PHKB: variants seen among roughly 807,000 people sequenced by gnomAD.
The protein encoded by PHKB is phosphorylase b kinase regulatory subunit beta.
Under a neutral mutation model 152.1 loss-of-function variants are expected in PHKB, and 122 were observed. That is an observed-to-expected ratio of 0.80 (90% CI 0.69 to 0.93). The LOEUF is 0.93. Ranked by LOEUF, PHKB falls within the 40% of genes least tolerant of loss-of-function variation. PHKB has a pLI of 0.00. For synonymous variants in PHKB, 436 were observed against 464.9 expected (o/e 0.94, Z 0.80); for missense variants, 1,304 against 1,328.4 (o/e 0.98, Z 0.29).
chr16:47,525,865 TA>T (rs1970757029), intron 6 of PHKB, among the ~76,000 whole-genome samples: 1 of 152,336 alleles, frequency 6.6e-6, no homozygotes, highest in East Asian at 1.9e-4. Context: ...GAACAGTTTA[TA>T]AAAGCATAAT....
intron 13 of PHKB, among the ~76,000 whole-genome samples, chr16:47,598,335 A>T (rs1477877688): frequency 6.6e-6 from 1 of 152,198 alleles, no homozygotes; most frequent in East Asian, 1.9e-4. Flanking sequence ...TGAACATACT[A>T]CTAAAGAAAC....
At position 47,527,424 on chromosome 16, in the gene PHKB, C is replaced by G. The variant is rs1970787275; in HGVS notation, c.594+11823C>G. Among the ~76,000 whole-genome samples the G allele has an allele frequency of 3.3e-5, 5 of 151,742 alleles. No homozygotes were observed. In the South Asian group the frequency reaches 1.0e-3, roughly 32 times the overall value. ...AAAAAGATTAACAATATAAACTGAC[C>G]TCTTAAAAAATTTACCAAGCAGATA... On this transcript the variant is annotated intron_variant, in intron 6 of 30. Coordinates refer to ENST00000323584, the MANE Select transcript of PHKB (RefSeq NM_000293.3).
rs115897535 is a variant in PHKB at position 47,532,179 on chromosome 16, A to T, written c.595-15254A>T. Among the ~76,000 whole-genome samples, 1,144 of 152,368 alleles carry T rather than the reference A, an allele frequency of 7.5e-3. 19 individuals are homozygous for T. The highest frequency in any genetic ancestry group is 0.026 in the African/African-American group (1,084 of 41,592). ...CAGACTTGTGTAACAAGAGTTAGAT[A>T]ACCCTACTTATCAGTGAAGGATACA... On this transcript the variant is annotated intron_variant, in intron 6 of 30. Transcript: ENST00000323584.
At chr16:47,678,443 CT>C (rs1174666096) in intron 26 of PHKB, among the ~76,000 whole-genome samples, 1 of 152,054 alleles carries the variant, frequency 6.6e-6, no homozygotes, top group Non-Finnish European at 1.5e-5. Flanking sequence ...TGTTTCCTGA[CT>C]TTTTAATGAT....
chr16:47,564,180 T>C (rs1032574722), intron 7 of PHKB, among the ~76,000 whole-genome samples: 2 of 152,082 alleles, frequency 1.3e-5, no homozygotes, highest in Non-Finnish European at 2.9e-5. Context: ...TTTTTTCCTT[T>C]GGTAGATACC....
intron 1 of PHKB, among the ~76,000 whole-genome samples, chr16:47,477,658 C>T (rs1969891714): frequency 6.6e-6 from 1 of 152,048 alleles, no homozygotes; most frequent in Non-Finnish European, 1.5e-5. Flanking sequence ...GTGGTGAGGG[C>T]ACTTTTGATT....
intron 7 of PHKB, among the ~76,000 whole-genome samples, chr16:47,564,579 T>C (rs1971533419): frequency 6.6e-6 from 1 of 152,146 alleles, no homozygotes; most frequent in South Asian, 2.1e-4. Context: ...TACCCTGTAG[T>C]GGGATTGCTG....
chr16:47,697,985 G>C (rs1390532502), intron 29 of PHKB, among the ~76,000 whole-genome samples: 1 of 152,080 alleles, frequency 6.6e-6, no homozygotes, highest in East Asian at 1.9e-4. Flanking sequence ...TGGGTCCTGG[G>C]CTCCAGGTCG....
At chr16:47,530,132 C>CTTTT (rs201960518) in intron 6 of PHKB, among the ~76,000 whole-genome samples, 3 of 129,720 alleles carry the variant, frequency 2.3e-5, no homozygotes, top group East Asian at 4.3e-4. Flanking sequence ...ATATAAACTC[C>CTTTT]TTTTTTTTTT....
chr16:47,474,496 A>T (rs1969834662), intron 1 of PHKB, among the ~76,000 whole-genome samples: 1 of 152,186 alleles, frequency 6.6e-6, no homozygotes, highest in Non-Finnish European at 1.5e-5. Context: ...TATACTCATC[A>T]GGTGCTTAAC....
chr16:47,696,153 T>C (rs929499129), intron 28 of PHKB, among the ~76,000 whole-genome samples: 1 of 152,196 alleles, frequency 6.6e-6, no homozygotes, highest in Non-Finnish European at 1.5e-5. Flanking sequence ...CTCAAAAAAT[T>C]AATATAGTGA....
chr16:47,533,710 C>A (rs1225617923), intron 6 of PHKB, among the ~76,000 whole-genome samples: 1 of 152,160 alleles, frequency 6.6e-6, no homozygotes, highest in African/African-American at 2.4e-5. Context: ...TACTTCCAAG[C>A]CTGCGAGGGC....
intron 16 of PHKB, among the ~76,000 whole-genome samples, chr16:47,647,529 G>A (rs1216975813): frequency 1.1e-4 from 16 of 148,682 alleles, no homozygotes; most frequent in African/African-American, 3.5e-4. Flanking sequence ...ACGGAGTCTC[G>A]CTCTGTTGCC....
chr16:47,537,872 TTCTCTC>T (rs34841624), intron 6 of PHKB, among the ~76,000 whole-genome samples: 2,352 of 143,488 alleles, frequency 0.016, 24 homozygotes, highest in Non-Finnish European at 0.021. Context: ...ACGTGGAAAA[TTCTCTC>T]TCTCTCTCTC....
chr16:47,639,070 T>A (rs1349198817), intron 14 of PHKB, among the ~76,000 whole-genome samples: 1 of 151,074 alleles, frequency 6.6e-6, no homozygotes, highest in Non-Finnish European at 1.5e-5. Flanking sequence ...AGCCCAGGAG[T>A]TCAAGACCAG....
intron 14 of PHKB, among the ~76,000 whole-genome samples, chr16:47,631,984 A>C (rs1411465200): frequency 6.6e-6 from 1 of 152,188 alleles, no homozygotes; most frequent in Non-Finnish European, 1.5e-5. Context: ...CAGCAACACC[A>C]TTTGACCCAG....
In PHKB at chr16:47,664,932, C is replaced by G; in HGVS notation, c.2384C>G (p.Ser795Cys). ...GCATTTACCCAGAAATTTTCTTCCT[C>G]TATAGCCCCACACATTACTACTTTT... ...GAAFTQKFSS[S>C]IAPHITTFLV... The change falls in exon 25 of 31, where the codon TCT becomes TGT. Residue 795 changes from serine (S) to cysteine (C), a missense_variant. Transcript: ENST00000323584. 1 of 1,613,828 alleles carries G rather than the reference C, an allele frequency of 6.2e-7. No homozygotes were observed. Among genetic ancestry groups the G allele is most frequent in the Non-Finnish European group, 8.5e-7 (1 of 1,179,774 alleles).
At chr16:47,480,618 A>T (rs967280241) in intron 1 of PHKB, among the ~76,000 whole-genome samples, 1 of 152,192 alleles carries the variant, frequency 6.6e-6, no homozygotes, top group Non-Finnish European at 1.5e-5. Flanking sequence ...GTTTCATGTT[A>T]CAGAAGTAGT....
At chr16:47,694,739 G>A (rs758272561) in intron 28 of PHKB, among the ~76,000 whole-genome samples, 80 of 152,260 alleles carry the variant, frequency 5.3e-4, no homozygotes, top group Non-Finnish European at 6.6e-4. Context: ...GCAGCGCCTC[G>A]TTGCTGGAGT....
Sources: gnomAD v4.1 joint callset for allele counts (sites outside exome capture counted in the v4.1 genomes callset) on GRCh38, gnomAD v4.1.1 for gene constraint, MANE v1.5 for transcripts, NCBI Gene and HGNC (gene_info 2026-07-23, HGNC 2026-07-21) for gene names.